GPC5: variants seen among roughly 807,000 people sequenced by gnomAD.
GPC5 encodes the protein glypican-5.
In GPC5, 47 loss-of-function variants were observed where a neutral mutation model predicts 53.9. That is an observed-to-expected ratio of 0.87 (90% CI 0.69 to 1.11). GPC5 has a LOEUF of 1.11. Among genes scored for constraint, GPC5 ranks in the 50% most tolerant of loss-of-function variants. GPC5 has a pLI of 0.00. For synonymous variants in GPC5, 286 were observed against 263.3 expected, an observed-to-expected ratio of 1.09 and a Z score of -0.84; for missense variants, 748 against 713.1, an observed-to-expected ratio of 1.05 and a Z score of -0.56.
intron 7 of GPC5, among the ~76,000 whole-genome samples, chr13:92,607,506 C>CA (rs1566316887): frequency 6.6e-6 from 1 of 151,892 alleles, no homozygotes; most frequent in African/African-American, 2.4e-5. Context: ...AAAATAAGAA[C>CA]AGACTTTTTT....
At chr13:92,679,840 GCTCT>G (rs755464684) in intron 7 of GPC5, among the ~76,000 whole-genome samples, 20 of 152,032 alleles carry the variant, frequency 1.3e-4, no homozygotes, top group African/African-American at 4.6e-4. Context: ...TCGCGTGCGT[GCTCT>G]CTCTCTCACT....
intron 2 of GPC5, among the ~76,000 whole-genome samples, chr13:91,653,774 T>G (rs2034777917): frequency 6.6e-6 from 1 of 152,150 alleles, no homozygotes; most frequent in Non-Finnish European, 1.5e-5. Context: ...CATCTTATAT[T>G]AGACTTAGAA....
intron 2 of GPC5, among the ~76,000 whole-genome samples, chr13:91,473,350 AC>A (rs2139187311): frequency 6.6e-6 from 1 of 152,272 alleles, no homozygotes; most frequent in South Asian, 2.1e-4. Flanking sequence ...ATGAATAATT[AC>A]AGTAGACAGG....
chr13:92,467,788 T>C (rs1878755352), intron 7 of GPC5, among the ~76,000 whole-genome samples: 1 of 152,054 alleles, frequency 6.6e-6, no homozygotes, highest in Non-Finnish European at 1.5e-5. Flanking sequence ...GAACTTTAAA[T>C]TCCCTCCCCG....
intron 6 of GPC5, among the ~76,000 whole-genome samples, chr13:92,035,618 G>A (rs1367465111): frequency 6.6e-6 from 1 of 151,840 alleles, no homozygotes; most frequent in African/African-American, 2.4e-5. Context: ...TTTTTGAACT[G>A]AAAAAATAAT....
At chr13:92,611,774 G>A (rs1884445019) in intron 7 of GPC5, among the ~76,000 whole-genome samples, 1 of 151,974 alleles carries the variant, frequency 6.6e-6, no homozygotes, top group South Asian at 2.1e-4. Context: ...TTCTCTTTCA[G>A]GCAATTGAAC....
At chr13:91,787,470 T>C (rs1426983106) in intron 5 of GPC5, among the ~76,000 whole-genome samples, 3 of 152,182 alleles carry the variant, frequency 2.0e-5, no homozygotes, top group African/African-American at 7.2e-5. Flanking sequence ...ATTACATTGA[T>C]TGGTTTATGA....
At chr13:91,627,949 CTGTT>C (rs1211832984) in intron 2 of GPC5, among the ~76,000 whole-genome samples, 16 of 152,182 alleles carry the variant, frequency 1.1e-4, no homozygotes, top group African/African-American at 3.4e-4. Flanking sequence ...ATAAGGGAAA[CTGTT>C]TGTTCCCAAC....
At chr13:92,354,935 C>T (rs2043509705) in intron 7 of GPC5, among the ~76,000 whole-genome samples, 1 of 151,782 alleles carries the variant, frequency 6.6e-6, no homozygotes, top group African/African-American at 2.4e-5. Flanking sequence ...GAGTTACCTC[C>T]TTGAGGAGCA....
intron 6 of GPC5, among the ~76,000 whole-genome samples, chr13:91,938,351 G>T (rs1474706591): frequency 6.6e-6 from 1 of 152,098 alleles, no homozygotes; most frequent in Non-Finnish European, 1.5e-5. Context: ...ATCAGAACTT[G>T]TGTGAACACA....
In GPC5 at chr13:92,421,662, G is replaced by C. The variant is rs1283150099; in HGVS notation, c.1561+276673G>C. 2.1e-4 allele frequency among the ~76,000 whole-genome samples: 27 copies of C among 129,902 alleles called. No individual in the cohort carries two copies. The Admixed American group carries it at 2.5e-3, about 12-fold the overall frequency. The allele number at this position is 129,902 out of a possible 152,430, so 85.2% of individuals were successfully genotyped here. On this transcript the variant is annotated intron_variant, in intron 7 of 7. Transcript: ENST00000377067. ...TGCAGTGAGCTGAGATCGCGCCACTGCACTCCAGCCTGTGCCACAGAGCAA... is the reference window on the plus strand; with the variant it reads ...TGCAGTGAGCTGAGATCGCGCCACTCCACTCCAGCCTGTGCCACAGAGCAA...
chr13:91,936,424 C>A (rs180952563), intron 6 of GPC5, among the ~76,000 whole-genome samples: 1 of 151,942 alleles, frequency 6.6e-6, no homozygotes, highest in Non-Finnish European at 1.5e-5. Flanking sequence ...ACAACATGGC[C>A]GTCTGAGTGC....
chr13:92,797,814 AG>A (rs1489641776), intron 7 of GPC5, among the ~76,000 whole-genome samples: 3 of 134,384 alleles, frequency 2.2e-5, no homozygotes, highest in Non-Finnish European at 4.8e-5. Context: ...AAGATATTCA[AG>A]GGATGATAGA....
chr13:91,399,613 G>A (rs182477296), intron 1 of GPC5, among the ~76,000 whole-genome samples: 1 of 152,190 alleles, frequency 6.6e-6, no homozygotes, highest in Admixed American at 6.5e-5. Flanking sequence ...GGAGGGAATT[G>A]AATTGATCGC....
At chr13:91,983,025 G>T (rs1301348317) in intron 6 of GPC5, among the ~76,000 whole-genome samples, 3 of 130,932 alleles carry the variant, frequency 2.3e-5, no homozygotes, top group Non-Finnish European at 5.3e-5. Context: ...GCTTGGGTTA[G>T]TACAACTGGA....
intron 2 of GPC5, among the ~76,000 whole-genome samples, chr13:91,586,724 A>G (rs1472402319): frequency 6.7e-6 from 1 of 149,392 alleles, no homozygotes; most frequent in Non-Finnish European, 1.5e-5. Context: ...GGGGATTATA[A>G]TTCAAGATGA....
At chr13:92,813,904 TAAAG>T (rs1877376903) in intron 7 of GPC5, among the ~76,000 whole-genome samples, 1 of 151,962 alleles carries the variant, frequency 6.6e-6, no homozygotes, top group Non-Finnish European at 1.5e-5. Context: ...CTAAAATTAA[TAAAG>T]AAATGCAAAG....
At chr13:91,625,676 A>G (rs1429902159) in intron 2 of GPC5, among the ~76,000 whole-genome samples, 1 of 152,110 alleles carries the variant, frequency 6.6e-6, no homozygotes, top group Admixed American at 6.6e-5. Flanking sequence ...CCTAGTGTGA[A>G]AAAGACTTCT....
At chr13:92,165,743 C>A (rs755282381) in intron 7 of GPC5, among the ~76,000 whole-genome samples, 21 of 152,206 alleles carry the variant, frequency 1.4e-4, no homozygotes, top group Non-Finnish European at 2.5e-4. Flanking sequence ...TTTAAATAAT[C>A]TCAAAAGCTA....
Sources: allele counts gnomAD v4.1 joint callset (sites outside exome capture counted in the v4.1 genomes callset), GRCh38; gene constraint gnomAD v4.1.1; transcripts MANE v1.5; gene names NCBI Gene and HGNC (gene_info 2026-07-23, HGNC 2026-07-21).